Variants in TCHP observed in about 807,000 individuals in gnomAD.
TCHP encodes trichoplein keratin filament-binding protein.
Under a neutral mutation model 88.7 loss-of-function variants are expected in TCHP, and 81 were observed. The observed-to-expected ratio is 0.91, with a 90% CI of 0.76 to 1.10. The LOEUF is 1.10. Among genes scored for constraint, TCHP ranks in the 50% least tolerant of loss-of-function variants. TCHP has a pLI of 0.00. For synonymous variants in TCHP, 232 were observed against 232.5 expected (o/e 1.00, Z 0.02); for missense variants, 641 against 632.1 (o/e 1.01, Z -0.15).
intron 9 of TCHP, among the ~76,000 whole-genome samples, chr12:109,912,748 A>G (rs1006502339): frequency 2.0e-5 from 3 of 152,158 alleles, no homozygotes; most frequent in African/African-American, 7.2e-5. Context: ...CCGAGATCGC[A>G]CCACTGCACT....
chr12:109,906,887 C>T (rs1035831291), intron 5 of TCHP, among the ~76,000 whole-genome samples: 6 of 152,004 alleles, frequency 3.9e-5, no homozygotes, highest in African/African-American at 1.4e-4. Flanking sequence ...ATACAGCACG[C>T]GTCTTCTTTT....
the TCHP span, among the ~76,000 whole-genome samples, chr12:109,886,831 C>T: frequency 1.3e-5 from 2 of 152,124 alleles, no homozygotes; most frequent in Non-Finnish European, 2.9e-5. Flanking sequence ...GCCTCAGCCT[C>T]CTGAGTAGCT....
At chr12:109,913,468 CT>C (rs1168994511) in intron 10 of TCHP, among the ~76,000 whole-genome samples, 1 of 152,228 alleles carries the variant, frequency 6.6e-6, no homozygotes, top group Non-Finnish European at 1.5e-5. Flanking sequence ...CACCCGCTGC[CT>C]TTCCATTCCC....
the TCHP span, among the ~76,000 whole-genome samples, chr12:109,884,333 C>T: frequency 4.6e-5 from 7 of 151,912 alleles, no homozygotes; most frequent in South Asian, 2.1e-4. Context: ...GGACTACAGG[C>T]GCCCGCCACC....
the TCHP span, among the ~76,000 whole-genome samples, chr12:109,895,009 G>A: frequency 6.6e-6 from 1 of 151,994 alleles, no homozygotes; most frequent in Admixed American, 6.6e-5. Flanking sequence ...AGTTGCATAA[G>A]ACAGATACCT....
chr12:109,887,735 A>T, the TCHP span: 1 of 151,924 alleles, frequency 6.6e-6, no homozygotes, highest in African/African-American at 2.4e-5. Context: ...CCCCATGCAG[A>T]CACCTTTCTT....
chr12:109,907,728 C>T, intron 6 of TCHP, 29 bp downstream of exon 6: 1 of 1,568,352 alleles, frequency 6.4e-7, no homozygotes, highest in Non-Finnish European at 8.6e-7. Flanking sequence ...CAGCCGTGAC[C>T]TCCTCCACAG....
chr12:109,909,766 A>C (rs921877585), intron 8 of TCHP, among the ~76,000 whole-genome samples: 15 of 152,036 alleles, frequency 9.9e-5, no homozygotes, highest in African/African-American at 3.6e-4. Context: ...GGAGTTTGAG[A>C]CCAGCCTGGC....
chr12:109,906,648 A>C lies in TCHP; in HGVS notation c.525+8A>C, dbSNP rs1044497870. 6.2e-7 allele frequency: 1 copy of C among 1,604,244 alleles called. No homozygotes were observed. Among genetic ancestry groups the C allele is most frequent in the African/African-American group, 1.3e-5 (1 of 74,898 alleles). On this transcript the variant is annotated splice_region_variant and intron_variant, in intron 5 of 12. Coordinates refer to ENST00000405876, the MANE Select transcript of TCHP (RefSeq NM_001143852.2). ...AAAGAAGAAAAAAAACAGGTGTGGT[A>C]TGTGGCTCTGGGAATAGCCGCGTAT...
chr12:109,898,304 G>A (rs143529978), upstream of TCHP, among the ~76,000 whole-genome samples: 945 of 152,218 alleles, frequency 6.2e-3, 10 homozygotes, highest in African/African-American at 0.021. Flanking sequence ...CCGTCTCCTC[G>A]GTTGAGGCGA....
chr12:109,897,427 T>C (rs1283854382), upstream of TCHP, among the ~76,000 whole-genome samples: 1 of 152,190 alleles, frequency 6.6e-6, no homozygotes, highest in Non-Finnish European at 1.5e-5. Flanking sequence ...GTGGAGCTTA[T>C]CTGGTCATTA....
intron 4 of TCHP, 76 bp from the exon 5 acceptor site, chr12:109,906,496 A>T: frequency 7.1e-7 from 1 of 1,411,296 alleles, no homozygotes; most frequent in Non-Finnish European, 9.9e-7. Context: ...GGTGGCACAG[A>T]GGGCAGGAGC....
the TCHP span, among the ~76,000 whole-genome samples, chr12:109,892,411 A>G: frequency 6.6e-6 from 1 of 152,124 alleles, no homozygotes; most frequent in African/African-American, 2.4e-5. Context: ...TAAAGAAATG[A>G]CCAGTGTGGC....
chr12:109,916,601 A>G lies in TCHP; in HGVS notation c.1475A>G (p.His492Arg). Residue 492 changes from histidine to arginine, a missense_variant, in exon 13 of 13, where the codon CAT becomes CGT. Transcript: ENST00000405876. ...TCTTTCTTTTCTCAGCCTTACGGAC[A>G]TCCAAAAATTGCTTGGAACTGACTT... The part of the protein sequence containing the change: ...EQGYRPKPYG[H>R]PKIAWN 1 of 1,613,718 alleles carries G rather than the reference A, an allele frequency of 6.2e-7. No individual in the cohort carries two copies. Among genetic ancestry groups the G allele is most frequent in the Non-Finnish European group, 8.5e-7 (1 of 1,179,868 alleles).
chr12:109,900,750 G>A (rs1192337205), intron 1 of TCHP: 1 of 152,224 alleles, frequency 6.6e-6, no homozygotes, highest in Non-Finnish European at 1.5e-5. Context: ...AGCTTGCCAC[G>A]GTCTCGAGAC....
the TCHP span, among the ~76,000 whole-genome samples, chr12:109,890,937 G>C: frequency 6.6e-6 from 1 of 152,200 alleles, no homozygotes; most frequent in Non-Finnish European, 1.5e-5. Context: ...GGTGTTAATG[G>C]CAATGAATCA....
chr12:109,887,249 C>G, the TCHP span, among the ~76,000 whole-genome samples: 2 of 151,826 alleles, frequency 1.3e-5, no homozygotes, highest in Non-Finnish European at 2.9e-5. Context: ...TGGTGAAACT[C>G]TGTCTCTACT....
At chr12:109,890,667 G>A in the TCHP span, among the ~76,000 whole-genome samples, 3 of 151,914 alleles carry the variant, frequency 2.0e-5, no homozygotes, top group East Asian at 3.9e-4. Context: ...ATGCCACGAC[G>A]CCCAGCTAAT....
chr12:109,915,175 C>T (rs1347434816), intron 11 of TCHP: 9 of 603,780 alleles, frequency 1.5e-5, no homozygotes, highest in South Asian at 4.0e-5. Context: ...CAGCTTTCCA[C>T]GAGGTAAGCG....
Sources: allele counts gnomAD v4.1 joint callset (sites outside exome capture counted in the v4.1 genomes callset), GRCh38; gene constraint gnomAD v4.1.1; transcripts MANE v1.5; gene names NCBI Gene and HGNC (gene_info 2026-07-23, HGNC 2026-07-21).